Variants in CRPPA observed in about 807,000 individuals in gnomAD.
CRPPA encodes D-ribitol-5-phosphate cytidylyltransferase.
Under a neutral mutation model 52.0 loss-of-function variants are expected in CRPPA, and 43 were observed. That is an observed-to-expected ratio of 0.83 (90% CI 0.65 to 1.07). CRPPA has a LOEUF of 1.07. Among genes scored for constraint, CRPPA ranks in the 50% least tolerant of loss-of-function variants. The probability of loss-of-function intolerance (pLI) is 0.00; values close to 1 mark genes in which losing one functional copy is unlikely to be tolerated. For missense variants in CRPPA, 629 were observed against 551.7 expected (o/e 1.14, Z -1.40); for synonymous variants, 250 against 203.5 (o/e 1.23, Z -1.94).
At chr7:16,217,130 A>T (rs1782349111) in intron 8 of CRPPA, among the ~76,000 whole-genome samples, 1 of 146,772 alleles carries the variant, frequency 6.8e-6, no homozygotes, top group African/African-American at 2.5e-5. Context: ...TGGGTCCCTG[A>T]CCCCTGACCC....
chr7:16,182,948 T>C (rs531541819), intron 9 of CRPPA, among the ~76,000 whole-genome samples: 59 of 152,186 alleles, frequency 3.9e-4, no homozygotes, highest in Non-Finnish European at 4.1e-4. Flanking sequence ...GTAAAGACCT[T>C]TGCACTTTGA....
chr7:16,159,826 C>T (rs1163488488), intron 9 of CRPPA, among the ~76,000 whole-genome samples: 5 of 152,174 alleles, frequency 3.3e-5, no homozygotes, highest in Admixed American at 3.3e-4. Context: ...CTCCCACCAA[C>T]AGTGTAAAAG....
chr7:16,173,140 TC>T (rs1326676729), intron 9 of CRPPA, among the ~76,000 whole-genome samples: 1 of 152,142 alleles, frequency 6.6e-6, no homozygotes, highest in Non-Finnish European at 1.5e-5. Context: ...GATGCCTGAG[TC>T]CTAACCCAGA....
intron 9 of CRPPA, among the ~76,000 whole-genome samples, chr7:16,195,792 T>C (rs887110985): frequency 1.1e-4 from 16 of 152,116 alleles, no homozygotes; most frequent in Admixed American, 9.8e-4. Context: ...TCTGCTCAGG[T>C]CCATTTCTTG....
chr7:16,281,673 A>T (rs1032637841), intron 5 of CRPPA, among the ~76,000 whole-genome samples: 4 of 152,178 alleles, frequency 2.6e-5, no homozygotes, highest in African/African-American at 9.6e-5. Context: ...GATTGGTGTC[A>T]TGTCTTCTTT....
rs1236426391 is a variant in CRPPA at position 16,089,194 on chromosome 7, G to T, written c.*2501C>A. 3.0e-6 allele frequency: 1 copy of T among 335,854 alleles called. No homozygotes were observed. The highest frequency in any genetic ancestry group is 6.7e-6 in the Non-Finnish European group (1 of 148,876). 20.8% of individuals were successfully genotyped at this position (335,854 alleles called of 1,614,324 possible). Reference sequence around the variant, plus strand: ...TATACGTACGTATATACATATATGTGTGTATATACGTACGTATATACATAT... The same window carrying T: ...TATACGTACGTATATACATATATGTTTGTATATACGTACGTATATACATAT... On this transcript the variant is annotated 3_prime_UTR_variant, in exon 10 of 10. Coordinates refer to ENST00000407010, the MANE Select transcript of CRPPA (RefSeq NM_001101426.4).
At chr7:16,331,772 G>A (rs1439861066) in intron 3 of CRPPA, among the ~76,000 whole-genome samples, 3 of 152,122 alleles carry the variant, frequency 2.0e-5, no homozygotes, top group Non-Finnish European at 4.4e-5. Context: ...TGAGCTTGAG[G>A]TTATCTTAAT....
At chr7:16,383,514 T>C (rs1787171783) in intron 2 of CRPPA, among the ~76,000 whole-genome samples, 1 of 152,160 alleles carries the variant, frequency 6.6e-6, no homozygotes, top group African/African-American at 2.4e-5. Flanking sequence ...GAACCACTGC[T>C]CTCTTCAAAG....
Position 16,151,715 on chromosome 7 carries a change from T to C in CRPPA, c.1252-59916A>G, listed in dbSNP as rs971512667. Among the ~76,000 whole-genome samples the C allele has an allele frequency of 9.2e-5, 14 of 152,228 alleles. No homozygotes were observed. In the East Asian group the frequency reaches 1.7e-3, roughly 19 times the overall value. On this transcript the variant is annotated intron_variant, in intron 9 of 9. Transcript: ENST00000407010. ...TACTTTACAAATTGAAAAAATATTG[T>C]ACATATTGACTGATCTTCTAGTTTA...
intron 9 of CRPPA, among the ~76,000 whole-genome samples, chr7:16,148,329 G>T (rs1485893378): frequency 1.3e-5 from 2 of 152,042 alleles, no homozygotes; most frequent in Non-Finnish European, 2.9e-5. Flanking sequence ...TTAGATATCT[G>T]CACTCCTATG....
At chr7:16,218,178 A>T (rs1373385012) in intron 8 of CRPPA, among the ~76,000 whole-genome samples, 1 of 151,232 alleles carries the variant, frequency 6.6e-6, no homozygotes, top group Non-Finnish European at 1.5e-5. Flanking sequence ...AGAATTTCAT[A>T]TCCAGCCAAA....
chr7:16,253,895 AAAAC>A (rs1438094829), intron 8 of CRPPA, among the ~76,000 whole-genome samples: 7 of 152,296 alleles, frequency 4.6e-5, no homozygotes, highest in African/African-American at 1.4e-4. Flanking sequence ...TTACAAGAAA[AAAAC>A]AAACAACCCC....
intron 6 of CRPPA, among the ~76,000 whole-genome samples, chr7:16,276,027 C>G (rs2214626): frequency 0.3 from 45,830 of 151,560 alleles, 8,661 homozygotes; most frequent in Admixed American, 0.43. Context: ...CTTGGAATAA[C>G]TTAGAAACAA....
At chr7:16,303,477 T>TAGAAAAAAAAAAAAAAAAAA (rs1784832024) in intron 4 of CRPPA, among the ~76,000 whole-genome samples, 1 of 44,970 alleles carries the variant, frequency 2.2e-5, no homozygotes, top group Non-Finnish European at 4.0e-5. Flanking sequence ...CATAAAATAG[T>TAGAAAAAAAAAAAAAAAAAA]AAAAAAAAAA....
chr7:16,110,537 G>C (rs59510115), intron 9 of CRPPA, among the ~76,000 whole-genome samples: 1 of 152,012 alleles, frequency 6.6e-6, no homozygotes, highest in African/African-American at 2.4e-5. Context: ...CAGAGCTATA[G>C]TAATCAAAAC....
chr7:16,096,500 T>C (rs1781937107), intron 9 of CRPPA, among the ~76,000 whole-genome samples: 1 of 152,098 alleles, frequency 6.6e-6, no homozygotes. Context: ...AAGAATTAAT[T>C]GGACTAGTTT....
chr7:16,389,925 A>AT (rs1562673779), intron 2 of CRPPA, among the ~76,000 whole-genome samples: 179 of 72,314 alleles, frequency 2.5e-3, no homozygotes, highest in East Asian at 4.9e-3. Flanking sequence ...AAAAAAAAAA[A>AT]AAAATATATA....
intron 2 of CRPPA, among the ~76,000 whole-genome samples, chr7:16,396,383 G>C (rs970064836): frequency 1.3e-5 from 2 of 152,116 alleles, no homozygotes; most frequent in African/African-American, 4.8e-5. Flanking sequence ...CCTTACTCCT[G>C]CAAGAATGGT....
intron 3 of CRPPA, among the ~76,000 whole-genome samples, chr7:16,355,391 C>T (rs955844711): frequency 1.4e-4 from 22 of 152,148 alleles, no homozygotes; most frequent in South Asian, 4.1e-4. Flanking sequence ...ATGTCTTCAC[C>T]GCTACAACTC....
Sources: gnomAD v4.1 joint callset for allele counts (sites outside exome capture counted in the v4.1 genomes callset) on GRCh38, gnomAD v4.1.1 for gene constraint, MANE v1.5 for transcripts, NCBI Gene and HGNC (gene_info 2026-07-23, HGNC 2026-07-21) for gene names.